The following ESR1 variants were observed in gnomAD, a reference collection of about 807,000 sequenced individuals.
The protein encoded by ESR1 is estrogen receptor.
In ESR1, 12 loss-of-function variants were observed where a neutral mutation model predicts 52.7. The ratio of observed to expected loss-of-function variants is 0.23; its 90% CI spans 0.15 to 0.37. ESR1 has a LOEUF of 0.37. Ranked by LOEUF, ESR1 falls within the 10% of genes least tolerant of loss-of-function variation. ESR1 has a pLI of 1.00. For missense variants in ESR1, 584 were observed against 779.7 expected, an observed-to-expected ratio of 0.75 and a Z score of 2.99; for synonymous variants, 305 against 316.8, an observed-to-expected ratio of 0.96 and a Z score of 0.39.
At chr6:151,681,130 T>G (rs142310018) in intron 1 of ESR1, among the ~76,000 whole-genome samples, 182 of 152,298 alleles carry the variant, frequency 1.2e-3, no homozygotes, top group African/African-American at 4.3e-3. Context: ...CACTTATTCT[T>G]CTGTGAACCT....
chr6:151,663,847 C>T (rs552527563), intron 1 of ESR1, among the ~76,000 whole-genome samples: 2 of 152,124 alleles, frequency 1.3e-5, no homozygotes, highest in East Asian at 1.9e-4. Flanking sequence ...AGGGATAAGA[C>T]AATAACTACA....
intron 6 of ESR1, among the ~76,000 whole-genome samples, chr6:152,123,643 T>C (rs557070402): frequency 3.9e-5 from 6 of 152,178 alleles, no homozygotes; most frequent in Non-Finnish European, 5.9e-5. Context: ...GAAAGAAATG[T>C]TGTTTACGAC....
At chr6:152,056,867 A>G (rs1489679861) in intron 5 of ESR1, among the ~76,000 whole-genome samples, 2 of 152,108 alleles carry the variant, frequency 1.3e-5, no homozygotes, top group Non-Finnish European at 2.9e-5. Flanking sequence ...CTTTAAAAAT[A>G]AATCTTGTTT....
intron 4 of ESR1, among the ~76,000 whole-genome samples, chr6:151,977,718 C>A (rs1480298456): frequency 2.6e-5 from 4 of 151,850 alleles, no homozygotes; most frequent in African/African-American, 9.7e-5. Flanking sequence ...TTGCTTGAAC[C>A]CAGGAGGCGG....
At chr6:151,762,832 CG>C (rs927906042) in intron 2 of ESR1, among the ~76,000 whole-genome samples, 3 of 151,904 alleles carry the variant, frequency 2.0e-5, no homozygotes, top group Non-Finnish European at 4.4e-5. Flanking sequence ...GGCATAGTGG[CG>C]TGTGTCTGTA....
chr6:151,957,040 C>T (rs1049351598), intron 4 of ESR1, among the ~76,000 whole-genome samples: 4 of 94,972 alleles, frequency 4.2e-5, no homozygotes, highest in African/African-American at 5.8e-5. Context: ...CCACGCCCGG[C>T]TAATTTTTTG....
chr6:151,834,862 G>A (rs966653698), intron 1 of ESR1, among the ~76,000 whole-genome samples: 4 of 152,080 alleles, frequency 2.6e-5, no homozygotes, highest in African/African-American at 9.7e-5. Context: ...GGGGAGCAAG[G>A]GAAGGAGTGT....
At chr6:152,028,026 C>A (rs3020423) in intron 5 of ESR1, among the ~76,000 whole-genome samples, 66,703 of 151,730 alleles carry the variant, frequency 0.44, 16,596 homozygotes, top group African/African-American at 0.67. Flanking sequence ...CACCTGTAGT[C>A]CCAGCTACTC....
At chr6:152,021,090 G>A (rs1251421143) in intron 5 of ESR1, among the ~76,000 whole-genome samples, 1 of 152,154 alleles carries the variant, frequency 6.6e-6, no homozygotes, top group African/African-American at 2.4e-5. Flanking sequence ...AATCCTGGGT[G>A]TGTCTGTGAG....
intron 1 of ESR1, among the ~76,000 whole-genome samples, chr6:151,840,321 A>T (rs2128229683): frequency 6.6e-6 from 1 of 152,326 alleles, no homozygotes; most frequent in Admixed American, 6.5e-5. Flanking sequence ...GGGTGGGTTC[A>T]ACAGCATGGT....
chr6:151,887,290 CA>C, intron 3 of ESR1, among the ~76,000 whole-genome samples: 1 of 151,686 alleles, frequency 6.6e-6, no homozygotes, highest in Middle Eastern at 3.4e-3. Flanking sequence ...TTGTTTTAAG[CA>C]GTAATCTAAT....
In ESR1 at chr6:151,880,717, A is replaced by T. The variant is rs2128333868; in HGVS notation, c.706A>T (p.Ser236Cys). The T allele has an allele frequency of 6.2e-7, 1 of 1,613,540 alleles. No individual in the cohort carries two copies. Among genetic ancestry groups the T allele is most frequent in the Non-Finnish European group, 8.5e-7 (1 of 1,179,456 alleles). Residue 236 changes from serine (S) to cysteine (C), a missense_variant, in exon 3 of 8, where the codon AGC (serine) becomes TGC (cysteine). Coordinates refer to ENST00000206249, the MANE Select transcript of ESR1 (RefSeq NM_000125.4). ...QCTIDKNRRK[S>C]CQACRLRKCY... Reference sequence around the variant, plus strand: ...CACCATTGATAAAAACAGGAGGAAGAGCTGCCAGGCCTGCCGGCTCCGTAA... The same window carrying T: ...CACCATTGATAAAAACAGGAGGAAGTGCTGCCAGGCCTGCCGGCTCCGTAA...
At chr6:151,915,667 ATGTC>A (rs1361243345) in intron 3 of ESR1, among the ~76,000 whole-genome samples, 1 of 152,200 alleles carries the variant, frequency 6.6e-6, no homozygotes, top group Non-Finnish European at 1.5e-5. Flanking sequence ...ACTATTAATC[ATGTC>A]TGTCTGATGA....
chr6:151,675,816 A>T (rs1778230979), intron 1 of ESR1, among the ~76,000 whole-genome samples: 1 of 152,248 alleles, frequency 6.6e-6, no homozygotes, highest in Admixed American at 6.5e-5. Flanking sequence ...CAAAATTAGC[A>T]AAATTCGAAT....
intron 4 of ESR1, among the ~76,000 whole-genome samples, chr6:151,945,310 A>G (rs1005603105): frequency 6.6e-6 from 1 of 152,246 alleles, no homozygotes; most frequent in Non-Finnish European, 1.5e-5. Flanking sequence ...CCAATTATTT[A>G]TCCAACCTGG....
intron 2 of ESR1, among the ~76,000 whole-genome samples, chr6:151,728,283 C>T (rs1394681090): frequency 1.3e-5 from 2 of 152,096 alleles, no homozygotes; most frequent in Non-Finnish European, 2.9e-5. Flanking sequence ...ACTCTCAGCC[C>T]ATAGAAGTAA....
At chr6:151,724,376 C>T (rs1015668359) in intron 2 of ESR1, among the ~76,000 whole-genome samples, 4 of 152,102 alleles carry the variant, frequency 2.6e-5, no homozygotes, top group African/African-American at 7.2e-5. Context: ...CTACAACCCA[C>T]GAAGGAGTTT....
At chr6:151,894,244 G>A (rs578057692) in intron 3 of ESR1, among the ~76,000 whole-genome samples, 1 of 151,758 alleles carries the variant, frequency 6.6e-6, no homozygotes, top group African/African-American at 2.4e-5. Flanking sequence ...TGATGGGATT[G>A]TTTGTTTTTT....
chr6:151,804,131 C>T (rs959213360), upstream of ESR1, among the ~76,000 whole-genome samples: 5 of 152,132 alleles, frequency 3.3e-5, no homozygotes, highest in Admixed American at 1.3e-4. Flanking sequence ...AGAGGAAAGT[C>T]GGCGTAGCAC....
Sources: allele counts gnomAD v4.1 joint callset (sites outside exome capture counted in the v4.1 genomes callset), GRCh38; gene constraint gnomAD v4.1.1; transcripts MANE v1.5; gene names NCBI Gene and HGNC (gene_info 2026-07-23, HGNC 2026-07-21).